OR10H3: variants seen among roughly 807,000 people sequenced by gnomAD.
OR10H3 encodes the protein olfactory receptor family 10 subfamily H member 3.
Under a neutral mutation model 11.1 loss-of-function variants are expected in OR10H3, and 15 were observed. The ratio of observed to expected loss-of-function variants is 1.36; its 90% CI spans 0.91 to 2.09. OR10H3 has a LOEUF of 2.09. Ranked by LOEUF, OR10H3 falls within the 30% of genes most tolerant of loss-of-function variation. OR10H3 has a pLI of 0.00. For synonymous variants in OR10H3, 149 were observed against 142.1 expected (o/e 1.05, Z -0.35); for missense variants, 403 against 391.5 (o/e 1.03, Z -0.25).
intron 1 of OR10H3, among the ~76,000 whole-genome samples, chr19:15,739,151 C>T (rs1055730510): frequency 6.6e-6 from 1 of 151,892 alleles, no homozygotes; most frequent in African/African-American, 2.4e-5. Context: ...TATTTCTTCC[C>T]TATTGATTTT....
chr19:15,738,673 G>A (rs1034129948), intron 1 of OR10H3, among the ~76,000 whole-genome samples: 15 of 151,208 alleles, frequency 9.9e-5, no homozygotes, highest in South Asian at 4.2e-4. Flanking sequence ...TTTGACTACC[G>A]TTTCAATTTC....
rs11375276 is a variant in OR10H3 at position 15,740,091 on chromosome 19, C to CAAA, written c.-11-1277_-11-1275dup. 7.9e-4 allele frequency among the ~76,000 whole-genome samples: 98 copies of CAAA among 124,576 alleles called. 1 individual carries two copies. Among genetic ancestry groups the CAAA allele is most frequent in the African/African-American group, 2.5e-3 (83 of 33,188 alleles). 81.7% of individuals were successfully genotyped at this position (124,576 alleles called of 152,430 possible). A position where few individuals can be genotyped will look rare whatever the true frequency, so the allele number is the denominator to read the frequency against. On this transcript the variant is annotated intron_variant, in intron 1 of 1. Coordinates refer to ENST00000641646, the MANE Select transcript of OR10H3 (RefSeq NM_013938.2). ...GCAACAAAGCAAAGCCCTGTCTCTA[C>CAAA]AAAAAAAAAAAAAAAATGTTTAATT...
chr19:15,740,217 C>G (rs576363441), intron 1 of OR10H3, among the ~76,000 whole-genome samples: 1 of 152,240 alleles, frequency 6.6e-6, no homozygotes, highest in African/African-American at 2.4e-5. Context: ...AGTCATGATC[C>G]TACTACTGCA....
In OR10H3 at chr19:15,737,998, A is replaced by G. The variant is rs2008658890; in HGVS notation, c.-65A>G. ...CTTAGATAACTTGTTTCTTTCCCTT[A>G]CCTTATACCATCACTCACGAATTTC... On this transcript the variant is annotated 5_prime_UTR_variant, in exon 1 of 2. Transcript: ENST00000641646. The G allele has an allele frequency of 1.3e-5, 2 of 152,562 alleles. No homozygotes were observed. The highest frequency in any genetic ancestry group is 1.3e-4 in the Admixed American group (2 of 15,268). 9.5% of individuals were successfully genotyped at this position (152,562 alleles called of 1,614,324 possible).
Position 15,741,385 on chromosome 19 carries a change from C to G in OR10H3, c.-8C>G, listed in dbSNP as rs1196612462. On this transcript the variant is annotated 5_prime_UTR_variant, in exon 2 of 2. Transcript: ENST00000641646. ...ATTTTGTTTCTGATCTCACCAGATA[C>G]AGTATCCATGCCTGGTCAGAACTAC... is the stretch of plus-strand genomic sequence containing the variant. The G allele has an allele frequency of 6.3e-7, 1 of 1,580,492 alleles. No homozygotes were observed. Among genetic ancestry groups the G allele is most frequent in the African/African-American group, 1.3e-5 (1 of 74,220 alleles).
In OR10H3 at chr19:15,742,243, C is replaced by A. The variant is rs754494350; in HGVS notation, c.851C>A (p.Thr284Asn). The change falls in exon 2 of 2, where the codon ACC (threonine) becomes AAC (asparagine). Residue 284 changes from threonine (T) to asparagine (N), a missense_variant. By Grantham distance (65) the Thr-to-Asn change is moderately conservative (BLOSUM62 0). Transcript: ENST00000641646. Reference sequence around the variant, plus strand: ...ATGGCCACCACCTATACTGTCTTCACCCCCTTCCTCAGCCCAATCATTTTC... The same window carrying A: ...ATGGCCACCACCTATACTGTCTTCAACCCCTTCCTCAGCCCAATCATTTTC... Reference protein sequence around the residue: ...ALMATTYTVFTPFLSPIIFSL... With the variant: ...ALMATTYTVFNPFLSPIIFSL... 7 of 1,614,058 alleles carry A rather than the reference C, an allele frequency of 4.3e-6. No homozygotes were observed. The Admixed American group carries it at 5.0e-5, about 12-fold the overall frequency.
rs1053217049 is a variant in OR10H3 at position 15,741,150 on chromosome 19, T to C, written c.-11-232T>C. 2.6e-5 allele frequency among the ~76,000 whole-genome samples: 4 copies of C among 152,220 alleles called. No homozygotes were observed. The South Asian group carries it at 6.2e-4, about 24-fold the overall frequency. ...TTAGTCAGTGTTAATGGAAACCCAA[T>C]TAGTAGCCAACATCTGACTTGGTCA... On this transcript the variant is annotated intron_variant, in intron 1 of 1. Transcript: ENST00000641646.
chr19:15,740,695 C>T (rs1326049441), intron 1 of OR10H3, among the ~76,000 whole-genome samples: 2 of 152,164 alleles, frequency 1.3e-5, no homozygotes, highest in Non-Finnish European at 2.9e-5. Flanking sequence ...CATGTCCAGA[C>T]CACAGATCAG....
chr19:15,738,560 TC>T (rs1321190821), intron 1 of OR10H3, among the ~76,000 whole-genome samples: 3 of 151,348 alleles, frequency 2.0e-5, no homozygotes, highest in African/African-American at 7.3e-5. Flanking sequence ...TTTTTGAAGA[TC>T]ATGTGTAAGA....
chr19:15,741,231 T>G (rs2008693057), intron 1 of OR10H3, among the ~76,000 whole-genome samples, 151 bp from the exon 2 acceptor site: 1 of 152,222 alleles, frequency 6.6e-6, no homozygotes, highest in Non-Finnish European at 1.5e-5. Context: ...TAAGAACTAT[T>G]ATTATTTACT....
Position 15,741,655 on chromosome 19 carries a change from T to C in OR10H3, c.263T>C (p.Phe88Ser), listed in dbSNP as rs1319840067. Residue 88 changes from phenylalanine to serine, a missense_variant, in exon 2 of 2, where the codon TTC (phenylalanine) becomes TCC (serine). Coordinates refer to ENST00000641646, the MANE Select transcript of OR10H3 (RefSeq NM_013938.2). ...CCTCGCATGCTGGCTGATCTGCTCT[T>C]CACCCATCGTTCCATCACCTTTGTG... ...ITPRMLADLL[F>S]THRSITFVAC... is the part of the protein sequence containing the mutation. 4 of 1,614,126 alleles carry C rather than the reference T, an allele frequency of 2.5e-6. No individual in the cohort carries two copies. Among genetic ancestry groups the C allele is most frequent in the Non-Finnish European group, 3.4e-6 (4 of 1,180,054 alleles).
In OR10H3 at chr19:15,742,148, G is replaced by A. The variant is rs907596685; in HGVS notation, c.756G>A (p.Met252Ile). Reference sequence around the variant, plus strand: ...TATCCCACCTCACTGTGGTGGTCATGCACTATAGTTTTGCCTCCCTTATCT... The same window carrying A: ...TATCCCACCTCACTGTGGTGGTCATACACTATAGTTTTGCCTCCCTTATCT... ...TCVSHLTVVVMHYSFASLIYL... is the reference protein window; with the variant it reads ...TCVSHLTVVVIHYSFASLIYL... Residue 252 changes from methionine to isoleucine, a missense_variant, in exon 2 of 2, where the codon ATG becomes ATA. Met to Ile is a conservative substitution (Grantham distance 10, BLOSUM62 1). Transcript: ENST00000641646. The A allele has an allele frequency of 4.3e-6, 7 of 1,614,014 alleles. No individual in the cohort carries two copies. Among genetic ancestry groups the A allele is most frequent in the South Asian group, 1.1e-5 (1 of 91,078 alleles).
chr19:15,741,382 A>G lies in OR10H3; in HGVS notation c.-11A>G. 4.4e-6 allele frequency: 7 copies of G among 1,577,926 alleles called. No homozygotes were observed. Among genetic ancestry groups the G allele is most frequent in the Non-Finnish European group, 5.2e-6 (6 of 1,147,690 alleles). ...TTAATTTTGTTTCTGATCTCACCAG[A>G]TACAGTATCCATGCCTGGTCAGAAC... On this transcript the variant is annotated splice_region_variant and 5_prime_UTR_variant, in exon 2 of 2. Coordinates refer to ENST00000641646, the MANE Select transcript of OR10H3 (RefSeq NM_013938.2).
At position 15,742,190 on chromosome 19, in the gene OR10H3, C is replaced by A. The variant is rs772400102; in HGVS notation, c.798C>A (p.Gly266=). Residue 266 remains glycine (G), a synonymous_variant, in exon 2 of 2, where the codon GGC becomes GGA. Coordinates refer to ENST00000641646, the MANE Select transcript of OR10H3 (RefSeq NM_013938.2). ...FASLIYLKPK[G]LHSMYSDALM... is the part of the protein sequence containing the mutation. Reference sequence around the variant, plus strand: ...CCCTTATCTACCTCAAACCCAAGGGCCTCCATTCTATGTACAGTGATGCCT... The same window carrying A: ...CCCTTATCTACCTCAAACCCAAGGGACTCCATTCTATGTACAGTGATGCCT... 3.1e-6 allele frequency: 5 copies of A among 1,614,126 alleles called. No homozygotes were observed. The highest frequency in any genetic ancestry group is 4.2e-6 in the Non-Finnish European group (5 of 1,180,034).
At position 15,741,432 on chromosome 19, in the gene OR10H3, C is replaced by G; in HGVS notation, c.40C>G (p.Leu14Val). ...CTACAGAACCATATCTGAATTTATC[C>G]TCTCTGGCTTCTCAGCCTTCCCCCA... Reference protein sequence around the residue: ...QNYRTISEFILSGFSAFPQQL... With the variant: ...QNYRTISEFIVSGFSAFPQQL... The change falls in exon 2 of 2, where the codon CTC (leucine) becomes GTC (valine). Residue 14 changes from leucine to valine, a missense_variant. By Grantham distance (32) the Leu-to-Val change is conservative (BLOSUM62 1). Transcript: ENST00000641646. 6.2e-7 allele frequency: 1 copy of G among 1,613,904 alleles called. No homozygotes were observed. Among genetic ancestry groups the G allele is most frequent in the Non-Finnish European group, 8.5e-7 (1 of 1,179,876 alleles).
Position 15,742,323 on chromosome 19 carries a change from T to C in OR10H3, c.931T>C (p.Phe311Leu), listed in dbSNP as rs2008714113. Residue 311 changes from phenylalanine to leucine, a missense_variant, in exon 2 of 2, where the codon TTC (phenylalanine) becomes CTC (leucine). Physicochemically the swap from Phe to Leu is conservative, Grantham distance 22 (BLOSUM62 0). Transcript: ENST00000641646. ...NAINKNFCRRFCPLSS is the reference protein window; with the variant it reads ...NAINKNFCRRLCPLSS The stretch of plus-strand genomic sequence containing the variant: ...CATAAATAAAAACTTTTGCAGAAGG[T>C]TCTGCCCTCTAAGCTCCTAATGGCC... The C allele has an allele frequency of 1.9e-6, 3 of 1,613,426 alleles. No homozygotes were observed. The East Asian group carries it at 6.7e-5, about 36-fold the overall frequency.
intron 1 of OR10H3, among the ~76,000 whole-genome samples, chr19:15,739,411 C>T (rs1174392331): frequency 1.3e-5 from 2 of 152,170 alleles, no homozygotes; most frequent in African/African-American, 4.8e-5. Flanking sequence ...AATCTATCTG[C>T]CAGGTGTGGT....
At chr19:15,741,319 T>C (rs1331089198) in intron 1 of OR10H3, 63 bp from the exon 2 acceptor site, 2 of 1,032,888 alleles carry the variant, frequency 1.9e-6, no homozygotes, top group Admixed American at 2.1e-5. Context: ...GGGTTTCCAT[T>C]TGGTCTGTGC....
At chr19:15,741,251 A>G in intron 1 of OR10H3, 131 bp from the exon 2 acceptor site, 1 of 612,578 alleles carries the variant, frequency 1.6e-6, no homozygotes, top group East Asian at 2.7e-5. Context: ...TCCATTTAAC[A>G]GATGAGGAAA....
Sources: gnomAD v4.1 joint callset for allele counts (sites outside exome capture counted in the v4.1 genomes callset) on GRCh38, gnomAD v4.1.1 for gene constraint, MANE v1.5 for transcripts, NCBI Gene and HGNC (gene_info 2026-07-23, HGNC 2026-07-21) for gene names.